Variants in CCNK observed in about 807,000 individuals in gnomAD.
The protein encoded by CCNK is cyclin K.
Under a neutral mutation model 65.0 loss-of-function variants are expected in CCNK, and 9 were observed. The ratio of observed to expected loss-of-function variants is 0.14; its 90% CI spans 0.08 to 0.24. The LOEUF (loss-of-function observed/expected upper bound fraction) is 0.24, where lower values mean the gene tolerates loss of function less well. Ranked by LOEUF, CCNK falls within the 10% of genes least tolerant of loss-of-function variation. The pLI, the probability that CCNK is intolerant of heterozygous loss-of-function variation, is 1.00. For synonymous variants in CCNK, 279 were observed against 270.8 expected (o/e 1.03, Z -0.30); for missense variants, 474 against 720.0 (o/e 0.66, Z 3.91).
chr14:99,499,103 A>G (rs1896763307), intron 4 of CCNK, among the ~76,000 whole-genome samples: 1 of 152,226 alleles, frequency 6.6e-6, no homozygotes, highest in Non-Finnish European at 1.5e-5. Context: ...GCAGTGGCAC[A>G]GTCTCAGCTC....
chr14:99,510,049 G>T, intron 10 of CCNK, 108 bp from the exon 11 acceptor site: 1 of 1,130,954 alleles, frequency 8.8e-7, no homozygotes, highest in Non-Finnish European at 1.2e-6. Flanking sequence ...GAGGAGGCGG[G>T]CAGCTGCTCC....
chr14:99,498,047 G>A (rs1272385993), intron 4 of CCNK, among the ~76,000 whole-genome samples: 3 of 152,168 alleles, frequency 2.0e-5, no homozygotes, highest in South Asian at 2.1e-4. Flanking sequence ...TCACACCCCC[G>A]TCACAGGGGC....
chr14:99,497,771 T>C lies in CCNK; in HGVS notation c.411+2142T>C, dbSNP rs1197003087. Among the ~76,000 whole-genome samples, 7 of 152,232 alleles carry C rather than the reference T, an allele frequency of 4.6e-5. No individual in the cohort carries two copies. In the East Asian group the frequency reaches 1.2e-3, roughly 25 times the overall value. On this transcript the variant is annotated intron_variant, in intron 4 of 10. Transcript: ENST00000389879. ...AGGGCCCAGAACACTTTTATACATA[T>C]TGTGGTTGTGATTAACACTAGTATT... is the stretch of plus-strand genomic sequence containing the variant.
intron 4 of CCNK, among the ~76,000 whole-genome samples, chr14:99,497,052 C>T (rs1218352723): frequency 1.3e-5 from 2 of 149,034 alleles, no homozygotes; most frequent in Non-Finnish European, 3.0e-5. Context: ...TCCCCCCGAC[C>T]AAAGTGGTAC....
intron 1 of CCNK, among the ~76,000 whole-genome samples, chr14:99,488,391 GT>G (rs1896536712): frequency 6.6e-6 from 1 of 151,792 alleles, no homozygotes; most frequent in African/African-American, 2.4e-5. Flanking sequence ...TCATAACACT[GT>G]TTTGAAGAGA....
At chr14:99,501,241 C>T (rs1171516730) in intron 5 of CCNK, 115 bp from the exon 6 acceptor site, 13 of 717,714 alleles carry the variant, frequency 1.8e-5, no homozygotes, top group Non-Finnish European at 3.2e-5. Context: ...CACGCAAAAG[C>T]TCTTTGCTGT....
intron 1 of CCNK, among the ~76,000 whole-genome samples, chr14:99,491,235 T>C (rs1896591960): frequency 6.6e-6 from 1 of 152,168 alleles, no homozygotes; most frequent in South Asian, 2.1e-4. Context: ...GTTAGGACAA[T>C]ATTTTCAGAG....
Position 99,492,892 on chromosome 14 carries a change from G to A in CCNK, c.197+18G>A, listed in dbSNP as rs751788850. 3 of 1,560,776 alleles carry A rather than the reference G, an allele frequency of 1.9e-6. No homozygotes were observed. The South Asian group carries it at 3.6e-5, about 19-fold the overall frequency. ...TTGGGGCTGTATCCTGACTCTCCTT[G>A]GAATCTGTTACAGATAGGCTCCCCA... On this transcript the variant is annotated intron_variant, in intron 2 of 10. Transcript: ENST00000389879.
rs1595318980 is a variant in CCNK at position 99,503,830 on chromosome 14, TC to T, written c.1045+187del. 21 of 593,018 alleles carry T rather than the reference TC, an allele frequency of 3.5e-5. No individual in the cohort carries two copies. In the East Asian group the frequency reaches 5.9e-4, roughly 17 times the overall value. The allele number at this position is 593,018 out of a possible 1,614,324, so 36.7% of individuals were successfully genotyped here. On this transcript the variant is annotated intron_variant, in intron 9 of 10. Coordinates refer to ENST00000389879, the MANE Select transcript of CCNK (RefSeq NM_001099402.2). The stretch of plus-strand genomic sequence containing the variant: ...CTGATCATAGATTCTAAAATTGTGC[TC>T]TTACGAAGCTATCAGTACAGAAAAC...
intron 10 of CCNK, 62 bp downstream of exon 10, chr14:99,507,209 C>A: frequency 1.0e-6 from 1 of 993,318 alleles, no homozygotes; most frequent in Non-Finnish European, 1.6e-6. Context: ...TTGGACGCAG[C>A]AGGTCCTGGG....
intron 10 of CCNK, chr14:99,509,510 A>ACACGCAGCACGCACAGACATGCAACACG (rs1897062572): frequency 6.6e-6 from 1 of 151,984 alleles, no homozygotes; most frequent in African/African-American, 2.5e-5. Flanking sequence ...GCACGCACAC[A>ACACGCAGCACGCACAGACATGCAACACG]CACGCAGCAC....
In CCNK at chr14:99,510,144, C is replaced by G. The variant is rs767070804; in HGVS notation, c.1118-13C>G. On this transcript the variant is annotated splice_polypyrimidine_tract_variant and intron_variant, in intron 10 of 10. Coordinates refer to ENST00000389879, the MANE Select transcript of CCNK (RefSeq NM_001099402.2). ...TGGCGGAGGCCGGGCACTGATGCGTCTCTCTCCTGCAGACCGGAAGCCTCC... is the reference window on the plus strand; with the variant it reads ...TGGCGGAGGCCGGGCACTGATGCGTGTCTCTCCTGCAGACCGGAAGCCTCC... The G allele has an allele frequency of 6.7e-5, 106 of 1,590,182 alleles. No homozygotes were observed. The South Asian group carries it at 8.2e-4, about 12-fold the overall frequency.
intron 7 of CCNK, 135 bp downstream of exon 7, chr14:99,502,511 A>G: frequency 7.3e-7 from 1 of 1,377,924 alleles, no homozygotes; most frequent in Non-Finnish European, 9.7e-7. Flanking sequence ...CATTAATTAA[A>G]TTATCTAATA....
intron 1 of CCNK, among the ~76,000 whole-genome samples, chr14:99,482,978 C>T (rs556652973): frequency 6.6e-6 from 1 of 152,148 alleles, no homozygotes; most frequent in Admixed American, 6.5e-5. Context: ...ACAGAGTGAT[C>T]ATATTTTTAA....
rs1198806194 is a variant in CCNK at position 99,510,418 on chromosome 14, C to T, written c.1379C>T (p.Ala460Val). ...MMKTEGPSYG[A>V]LPPAYGPPAH... ...AAGACCGAGGGACCCTCCTACGGTG[C>T]CCTGCCCCCCGCCTACGGCCCACCT... is the stretch of plus-strand genomic sequence containing the variant. Residue 460 changes from alanine to valine, a missense_variant, in exon 11 of 11, where the codon GCC becomes GTC. This residue lies in a region of CCNK where 229 missense variants were observed against 275.5 expected (regional missense o/e 0.83). Coordinates refer to ENST00000389879, the MANE Select transcript of CCNK (RefSeq NM_001099402.2). The T allele has an allele frequency of 6.5e-6, 10 of 1,550,314 alleles. No individual in the cohort carries two copies. The highest frequency in any genetic ancestry group is 8.7e-6 in the Non-Finnish European group (10 of 1,147,740).
intron 4 of CCNK, among the ~76,000 whole-genome samples, chr14:99,498,912 A>T (rs1896759469): frequency 6.6e-6 from 1 of 152,196 alleles, no homozygotes. Flanking sequence ...GCTATCCTGT[A>T]ACAGTATGTG....
intron 1 of CCNK, among the ~76,000 whole-genome samples, chr14:99,483,414 G>A (rs184842382): frequency 1.1e-4 from 16 of 152,294 alleles, no homozygotes; most frequent in African/African-American, 3.1e-4. Flanking sequence ...TTAGCCAGAT[G>A]TGGAGGTGCA....
At chr14:99,498,915 A>C (rs1481624976) in intron 4 of CCNK, among the ~76,000 whole-genome samples, 1 of 152,322 alleles carries the variant, frequency 6.6e-6, no homozygotes, top group African/African-American at 2.4e-5. Context: ...ATCCTGTAAC[A>C]GTATGTGGGC....
chr14:99,502,566 C>A (rs1896859881), intron 7 of CCNK, 153 bp from the exon 8 acceptor site: 1 of 1,207,908 alleles, frequency 8.3e-7, no homozygotes, highest in Non-Finnish European at 1.1e-6. Flanking sequence ...ACTAAAAATA[C>A]ACACCAGTGT....
Sources: allele counts gnomAD v4.1 joint callset (sites outside exome capture counted in the v4.1 genomes callset), GRCh38; gene constraint gnomAD v4.1.1; regional missense constraint gnomAD v4.1.1; transcripts MANE v1.5; gene names NCBI Gene and HGNC (gene_info 2026-07-23, HGNC 2026-07-21).